Variants in LRMDA observed in about 807,000 individuals in gnomAD.
The protein encoded by LRMDA is leucine rich melanocyte differentiation associated, also known as leucine-rich melanocyte differentiation-associated protein.
A neutral mutation model predicts 29.8 loss-of-function variants in LRMDA; 18 were observed. That is an observed-to-expected ratio of 0.60 (90% CI 0.42 to 0.90). The LOEUF is 0.90. Ranked by LOEUF, LRMDA falls within the 40% of genes least tolerant of loss-of-function variation. The probability of loss-of-function intolerance (pLI) is 0.00; values close to 1 mark genes in which losing one functional copy is unlikely to be tolerated. For synonymous variants in LRMDA, 125 were observed against 109.4 expected (o/e 1.14, Z -0.89); for missense variants, 273 against 273.9 (o/e 1.00, Z 0.02).
intron 6 of LRMDA, among the ~76,000 whole-genome samples, chr10:76,545,659 A>ATTATTATTG (rs1843412361): frequency 6.8e-6 from 1 of 147,704 alleles, no homozygotes; most frequent in Non-Finnish European, 1.5e-5. Flanking sequence ...TATTATTATT[A>ATTATTATTG]TTATTATTAT....
intron 5 of LRMDA, among the ~76,000 whole-genome samples, chr10:76,085,509 C>A (rs897636723): frequency 1.2e-4 from 18 of 152,160 alleles, no homozygotes; most frequent in Admixed American, 2.6e-4. Flanking sequence ...CCCACACACT[C>A]CTGAAGAATG....
intron 6 of LRMDA, among the ~76,000 whole-genome samples, chr10:76,443,377 G>C (rs570395850): frequency 1.3e-5 from 2 of 152,108 alleles, no homozygotes; most frequent in Non-Finnish European, 2.9e-5. Flanking sequence ...TCACATCTTC[G>C]AGATAATCCG....
intron 2 of LRMDA, among the ~76,000 whole-genome samples, chr10:75,990,784 G>A (rs906216734): frequency 2.0e-5 from 3 of 152,206 alleles, no homozygotes; most frequent in Non-Finnish European, 4.4e-5. Flanking sequence ...GGAAATGCCA[G>A]GGGCTGCTGG....
At chr10:75,948,191 T>C (rs1032900241) in intron 2 of LRMDA, among the ~76,000 whole-genome samples, 2 of 152,192 alleles carry the variant, frequency 1.3e-5, no homozygotes, top group African/African-American at 4.8e-5. Context: ...AATTGTAGAC[T>C]GGCTCTTAGA....
rs575552005 is a variant in LRMDA, at chr10:76,120,341, A to C, written c.516+61558A>C. ...GTAGCTGGGACTACAGGTTTGTGCC[A>C]CCACACCGGGATAATTTTTGTATTT... On this transcript the variant is annotated intron_variant, in intron 5 of 6. Transcript: ENST00000611255. Among the ~76,000 whole-genome samples, 5 of 152,084 alleles carry C rather than the reference A, an allele frequency of 3.3e-5. No individual in the cohort carries two copies. In the East Asian group the frequency reaches 9.7e-4, roughly 29 times the overall value.
chr10:76,488,602 A>T (rs1842805023), intron 6 of LRMDA, among the ~76,000 whole-genome samples: 1 of 151,900 alleles, frequency 6.6e-6, no homozygotes, highest in Non-Finnish European at 1.5e-5. Flanking sequence ...TAACTTTATT[A>T]AAAATAAAGC....
intron 1 of LRMDA, among the ~76,000 whole-genome samples, chr10:75,437,625 G>A (rs1844276099): frequency 6.6e-6 from 1 of 152,156 alleles, no homozygotes; most frequent in East Asian, 1.9e-4. Flanking sequence ...CTTCTCACAG[G>A]TTCTGGAATC....
chr10:76,322,215 G>A (rs1840780235), intron 5 of LRMDA, among the ~76,000 whole-genome samples: 1 of 152,078 alleles, frequency 6.6e-6, no homozygotes, highest in Admixed American at 6.5e-5. Context: ...TGATAATTGT[G>A]TCTTTCTGAA....
chr10:75,860,654 C>T lies in LRMDA; in HGVS notation c.132-175354C>T, dbSNP rs116630304. ...ATGTTTCTAACTCATGCTTTGAAGC[C>T]CAATGTTGCTTGTGTGATACATTTT... On this transcript the variant is annotated intron_variant, in intron 2 of 6. Transcript: ENST00000611255. Among the ~76,000 whole-genome samples the T allele has an allele frequency of 7.7e-3, 1,174 of 152,178 alleles. 20 individuals carry two copies. The highest frequency in any genetic ancestry group is 0.027 in the African/African-American group (1,108 of 41,500).
intron 5 of LRMDA, among the ~76,000 whole-genome samples, chr10:76,249,941 T>A (rs1433472086): frequency 6.6e-6 from 1 of 152,204 alleles, no homozygotes; most frequent in East Asian, 1.9e-4. Context: ...TAGCTGGGAT[T>A]ACAGGCATGT....
intron 6 of LRMDA, among the ~76,000 whole-genome samples, chr10:76,376,949 G>T (rs764793088): frequency 8.0e-6 from 1 of 125,168 alleles, no homozygotes; most frequent in African/African-American, 3.1e-5. Context: ...GCAATGGCGC[G>T]ATCTCCGCTC....
Position 75,835,610 on chromosome 10 carries a change from A to C in LRMDA, c.132-200398A>C, listed in dbSNP as rs116267866. On this transcript the variant is annotated intron_variant, in intron 2 of 6. Coordinates refer to ENST00000611255, the MANE Select transcript of LRMDA (RefSeq NM_001305581.2). ...ACAGCACGTAGTAGTGGAAGGAACT[A>C]ATCTGGGAGTCAGAAACCTAGATTT... Among the ~76,000 whole-genome samples, 969 of 152,312 alleles carry C rather than the reference A, an allele frequency of 6.4e-3. 16 individuals carry two copies. The highest frequency in any genetic ancestry group is 0.022 in the African/African-American group (915 of 41,560).
intron 6 of LRMDA, among the ~76,000 whole-genome samples, chr10:76,334,832 T>A (rs1258297480): frequency 6.6e-6 from 1 of 152,158 alleles, no homozygotes; most frequent in Non-Finnish European, 1.5e-5. Context: ...CCGTAACATG[T>A]GGAACCCTGC....
chr10:75,793,826 G>C (rs1484112735), intron 2 of LRMDA, among the ~76,000 whole-genome samples: 1 of 152,174 alleles, frequency 6.6e-6, no homozygotes, highest in East Asian at 1.9e-4. Context: ...CATGGAGCAG[G>C]AGTGAGAAAT....
chr10:76,071,785 C>A (rs1024054638), intron 5 of LRMDA, among the ~76,000 whole-genome samples: 1 of 152,130 alleles, frequency 6.6e-6, no homozygotes, highest in East Asian at 1.9e-4. Context: ...GTTAAACTGC[C>A]AGATTTACAA....
chr10:76,434,410 C>G (rs1842224132), intron 6 of LRMDA, among the ~76,000 whole-genome samples: 1 of 151,940 alleles, frequency 6.6e-6, no homozygotes, highest in Non-Finnish European at 1.5e-5. Context: ...TCTCCCACTC[C>G]CCTTCCCAAA....
chr10:75,433,704 A>G (rs1331821172), intron 1 of LRMDA, among the ~76,000 whole-genome samples: 1 of 152,164 alleles, frequency 6.6e-6, no homozygotes, highest in Non-Finnish European at 1.5e-5. Context: ...AAACCCGCAA[A>G]ACTTCCCATG....
intron 2 of LRMDA, among the ~76,000 whole-genome samples, chr10:75,997,828 G>T (rs1225874728): frequency 1.3e-5 from 2 of 152,176 alleles, no homozygotes; most frequent in Non-Finnish European, 2.9e-5. Flanking sequence ...TACTGATGGA[G>T]ATTAACGAAA....
intron 2 of LRMDA, among the ~76,000 whole-genome samples, chr10:75,671,223 G>A (rs1841887226): frequency 6.6e-6 from 1 of 152,092 alleles, no homozygotes; most frequent in Non-Finnish European, 1.5e-5. Context: ...TGAGAAAATT[G>A]TACAAAACAA....
Sources: gnomAD v4.1 joint callset for allele counts (sites outside exome capture counted in the v4.1 genomes callset) on GRCh38, gnomAD v4.1.1 for gene constraint, MANE v1.5 for transcripts, NCBI Gene and HGNC (gene_info 2026-07-23, HGNC 2026-07-21) for gene names.